DSE: variants seen among roughly 807,000 people sequenced by gnomAD.
The protein encoded by DSE is dermatan-sulfate epimerase.
DSE carries 36 observed loss-of-function variants against 84.4 expected under a neutral mutation model. That is an observed-to-expected ratio of 0.43 (90% confidence interval 0.33 to 0.56). DSE has a LOEUF of 0.56. Among genes scored for constraint, DSE ranks in the 20% least tolerant of loss-of-function variants. The pLI is 0.06. For synonymous variants in DSE, 410 were observed against 430.1 expected (o/e 0.95, Z 0.58); for missense variants, 862 against 1,169.6 (o/e 0.74, Z 3.84).
chr6:116,329,680 C>G (rs1562234056), intron 2 of DSE, among the ~76,000 whole-genome samples: 1 of 152,196 alleles, frequency 6.6e-6, no homozygotes, highest in Non-Finnish European at 1.5e-5. Flanking sequence ...GTCAACACAT[C>G]TGACCGCACT....
chr6:116,379,124 T>C lies in DSE; in HGVS notation c.-54+8003T>C, dbSNP rs370759780. Among the ~76,000 whole-genome samples the C allele has an allele frequency of 2.1e-3, 323 of 152,264 alleles. 4 individuals carry two copies. Among genetic ancestry groups the C allele is most frequent in the African/African-American group, 7.0e-3 (289 of 41,570 alleles). On this transcript the variant is annotated intron_variant, in intron 1 of 5. Transcript: ENST00000644252. Reference sequence around the variant, plus strand: ...CTGTGGTTCTGTTTTTTTCTCAATATCAAGATTAGGCTTATTGAAATTAAG... The same window carrying C: ...CTGTGGTTCTGTTTTTTTCTCAATACCAAGATTAGGCTTATTGAAATTAAG...
intron 2 of DSE, among the ~76,000 whole-genome samples, chr6:116,348,639 G>A (rs1295929602): frequency 6.6e-6 from 1 of 152,124 alleles, no homozygotes; most frequent in Non-Finnish European, 1.5e-5. Context: ...ATACCCAAAG[G>A]ATTATAAATC....
intron 2 of DSE, among the ~76,000 whole-genome samples, chr6:116,337,480 G>GAT (rs1777322280): frequency 6.6e-6 from 1 of 152,108 alleles, no homozygotes; most frequent in Admixed American, 6.6e-5. Flanking sequence ...TGTGGTGGTG[G>GAT]ATGCCTGTAA....
intron 2 of DSE, among the ~76,000 whole-genome samples, chr6:116,353,572 C>A (rs1419642704): frequency 6.6e-6 from 1 of 152,168 alleles, no homozygotes; most frequent in Non-Finnish European, 1.5e-5. Flanking sequence ...CAACACTTTA[C>A]ATTCTTTATC....
chr6:116,288,534 A>G (rs1038779710), intron 2 of DSE: 4 of 152,102 alleles, frequency 2.6e-5, no homozygotes, highest in Non-Finnish European at 4.4e-5. Flanking sequence ...GGGCGTGAGG[A>G]CATAGTAACC....
At chr6:116,370,726 C>T, upstream of DSE, 1 of 798,000 alleles carries the variant, frequency 1.3e-6, no homozygotes, top group Non-Finnish European at 1.5e-6. Flanking sequence ...CAGCTGCGAG[C>T]GGCGAGTCCC....
At chr6:116,323,020 C>T (rs1482390716) in intron 2 of DSE, among the ~76,000 whole-genome samples, 1 of 152,150 alleles carries the variant, frequency 6.6e-6, no homozygotes, top group Non-Finnish European at 1.5e-5. Context: ...AAGGGTCTTC[C>T]AGAAAAGAGA....
chr6:116,403,049 C>T lies in DSE; in HGVS notation c.416+3383C>T, dbSNP rs569096361. 2.6e-3 allele frequency among the ~76,000 whole-genome samples: 398 copies of T among 152,268 alleles called. 7 individuals are homozygous for T. In the South Asian group the frequency reaches 0.031, roughly 12 times the overall value. Reference sequence around the variant, plus strand: ...AGCCTACAAAGTAGAACGGGAATCTCATAGATTTATAATTATAATGGTGAT... The same window carrying T: ...AGCCTACAAAGTAGAACGGGAATCTTATAGATTTATAATTATAATGGTGAT... On this transcript the variant is annotated intron_variant, in intron 2 of 5. Transcript: ENST00000644252.
Position 116,330,773 on chromosome 6 carries a change from A to T in DSE, c.-53-68425A>T, listed in dbSNP as rs1776889374. ...TTATGCCTTTTCAGAAAACAGAAAA[A>T]CAAAGATGTTCTCCAACCTAGCTTA... is the stretch of plus-strand genomic sequence containing the variant. On this transcript the variant is annotated intron_variant, in intron 2 of 3. Coordinates refer to the DSE transcript ENST00000430252. 3.3e-5 allele frequency among the ~76,000 whole-genome samples: 5 copies of T among 152,342 alleles called. No individual in the cohort carries two copies. The South Asian group carries it at 1.0e-3, about 32-fold the overall frequency.
chr6:116,396,640 A>T (rs932072328), intron 1 of DSE, among the ~76,000 whole-genome samples: 1 of 152,230 alleles, frequency 6.6e-6, no homozygotes, highest in Non-Finnish European at 1.5e-5. Context: ...CCAAAACAAC[A>T]TCTTAATGAG....
chr6:116,403,068 T>A (rs968666577), intron 2 of DSE, among the ~76,000 whole-genome samples: 1 of 152,164 alleles, frequency 6.6e-6, no homozygotes, highest in Non-Finnish European at 1.5e-5. Context: ...ATAATTATAA[T>A]GGTGATTGAA....
intron 2 of DSE, among the ~76,000 whole-genome samples, chr6:116,350,798 C>T (rs903020766): frequency 1.3e-5 from 2 of 151,972 alleles, no homozygotes; most frequent in African/African-American, 4.8e-5. Flanking sequence ...GTACCAAATA[C>T]TCTGACTCCA....
chr6:116,430,665 C>CCAAGTAG (rs1783771966), intron 3 of DSE, among the ~76,000 whole-genome samples: 1 of 152,204 alleles, frequency 6.6e-6, no homozygotes, highest in African/African-American at 2.4e-5. Flanking sequence ...CCTCAGCCCC[C>CCAAGTAG]CAAGTAGCTG....
chr6:116,280,178 TA>T, intron 2 of DSE: 1 of 393,172 alleles, frequency 2.5e-6, no homozygotes, highest in Non-Finnish European at 5.0e-6. Context: ...GGAGCAGTTG[TA>T]AAATCACAGC....
At chr6:116,385,363 AG>A (rs1265878109) in intron 1 of DSE, among the ~76,000 whole-genome samples, 1 of 152,150 alleles carries the variant, frequency 6.6e-6, no homozygotes, top group East Asian at 1.9e-4. Context: ...GATCTTAGGG[AG>A]GTAAGAGTGA....
chr6:116,368,265 A>C (rs1005791631), upstream of DSE, among the ~76,000 whole-genome samples: 53 of 152,336 alleles, frequency 3.5e-4, no homozygotes, highest in African/African-American at 1.2e-3. Flanking sequence ...AAAATAGGAC[A>C]AGGTAACATG....
chr6:116,384,711 C>T (rs986320357), intron 1 of DSE, among the ~76,000 whole-genome samples: 2 of 151,798 alleles, frequency 1.3e-5, no homozygotes, highest in African/African-American at 4.8e-5. Flanking sequence ...AAAAGTTTAC[C>T]TCTTGACGCA....
intron 2 of DSE, among the ~76,000 whole-genome samples, chr6:116,318,236 G>A (rs1169606249): frequency 1.3e-5 from 2 of 152,220 alleles, no homozygotes; most frequent in Admixed American, 6.5e-5. Context: ...GCCAGTCGTG[G>A]TGGCTCACCC....
intron 2 of DSE, among the ~76,000 whole-genome samples, chr6:116,295,613 A>G (rs1188300217): frequency 1.3e-5 from 2 of 152,224 alleles, no homozygotes; most frequent in Non-Finnish European, 2.9e-5. Flanking sequence ...TCAGAAAGCA[A>G]TAATGTGTCT....
Sources: allele counts gnomAD v4.1 joint callset (sites outside exome capture counted in the v4.1 genomes callset), GRCh38; gene constraint gnomAD v4.1.1; transcripts MANE v1.5; gene names NCBI Gene and HGNC (gene_info 2026-07-23, HGNC 2026-07-21).